Variants in RCAN2 observed in about 807,000 individuals in gnomAD.
The protein encoded by RCAN2 is calcipressin-2.
A neutral mutation model predicts 23.6 loss-of-function variants in RCAN2; 9 were observed. The observed-to-expected ratio is 0.38, with a 90% CI of 0.23 to 0.67. RCAN2 has a LOEUF of 0.67. Ranked by LOEUF, RCAN2 falls within the 30% of genes least tolerant of loss-of-function variation. RCAN2 has a pLI of 0.51. For missense variants in RCAN2, 273 were observed against 302.3 expected (o/e 0.90, Z 0.72); for synonymous variants, 109 against 115.7 (o/e 0.94, Z 0.37).
intron 2 of RCAN2, among the ~76,000 whole-genome samples, chr6:46,398,370 C>T (rs1446379665): frequency 6.6e-6 from 1 of 152,120 alleles, no homozygotes; most frequent in Non-Finnish European, 1.5e-5. Context: ...GTGTTTCTTC[C>T]AAACTCTGGT....
At chr6:46,455,653 G>A (rs1050507722) in intron 2 of RCAN2, among the ~76,000 whole-genome samples, 3 of 151,832 alleles carry the variant, frequency 2.0e-5, no homozygotes, top group Admixed American at 6.6e-5. Flanking sequence ...TCAGGAGATC[G>A]AGACCATCCT....
chr6:46,464,063 A>G (rs914543850), intron 1 of RCAN2, among the ~76,000 whole-genome samples: 1 of 152,224 alleles, frequency 6.6e-6, no homozygotes, highest in African/African-American at 2.4e-5. Flanking sequence ...TTGATTGAAA[A>G]ACAAGTAAAT....
At chr6:46,269,368 G>C (rs1767447120) in intron 2 of RCAN2, among the ~76,000 whole-genome samples, 1 of 152,126 alleles carries the variant, frequency 6.6e-6, no homozygotes, top group South Asian at 2.1e-4. Flanking sequence ...CGCTTATTTT[G>C]TTATATCTCT....
chr6:46,395,685 A>G (rs1766068380), intron 2 of RCAN2, among the ~76,000 whole-genome samples: 1 of 152,258 alleles, frequency 6.6e-6, no homozygotes, highest in African/African-American at 2.4e-5. Flanking sequence ...CGTTAAGGCT[A>G]ACAGGGTTGG....
intron 2 of RCAN2, among the ~76,000 whole-genome samples, chr6:46,321,258 C>A (rs1325752268): frequency 6.6e-6 from 1 of 152,206 alleles, no homozygotes; most frequent in African/African-American, 2.4e-5. Flanking sequence ...GCCCTCATCA[C>A]TAGCTGAAAT....
chr6:46,397,266 G>C (rs563989027), intron 2 of RCAN2, among the ~76,000 whole-genome samples: 4 of 151,970 alleles, frequency 2.6e-5, no homozygotes, highest in Admixed American at 2.0e-4. Flanking sequence ...AACTACAAAG[G>C]GGGGTACCAT....
intron 2 of RCAN2, among the ~76,000 whole-genome samples, chr6:46,383,973 G>C (rs1022731048): frequency 2.0e-5 from 3 of 152,022 alleles, no homozygotes; most frequent in African/African-American, 7.3e-5. Flanking sequence ...CCGCCTCTCT[G>C]GACAGTGGAT....
intron 2 of RCAN2, among the ~76,000 whole-genome samples, chr6:46,321,717 A>C (rs929942672): frequency 6.6e-6 from 1 of 152,198 alleles, no homozygotes; most frequent in African/African-American, 2.4e-5. Context: ...AAGGCCCCCC[A>C]CAGTGGCCAG....
chr6:46,437,672 A>G (rs954374024), intron 2 of RCAN2, among the ~76,000 whole-genome samples: 9 of 152,208 alleles, frequency 5.9e-5, no homozygotes, highest in African/African-American at 2.2e-4. Context: ...TTACAAGTAA[A>G]ATTCTAAAAA....
chr6:46,316,691 T>G (rs1283634072), intron 2 of RCAN2, among the ~76,000 whole-genome samples: 1 of 152,216 alleles, frequency 6.6e-6, no homozygotes, highest in Non-Finnish European at 1.5e-5. Flanking sequence ...ATAAAAGTGC[T>G]TTCTATAGTG....
chr6:46,335,628 C>T (rs1764117708), intron 2 of RCAN2, among the ~76,000 whole-genome samples: 1 of 152,128 alleles, frequency 6.6e-6, no homozygotes, highest in African/African-American at 2.4e-5. Context: ...CTTGAGGTCC[C>T]AACAGGAGTC....
intron 2 of RCAN2, among the ~76,000 whole-genome samples, chr6:46,282,284 A>G (rs1377059393): frequency 5.3e-5 from 8 of 151,818 alleles, no homozygotes; most frequent in East Asian, 1.9e-4. Flanking sequence ...GGTGGCTCAC[A>G]CCTGTAATCC....
intron 2 of RCAN2, among the ~76,000 whole-genome samples, chr6:46,357,578 G>T (rs1436232939): frequency 6.6e-6 from 1 of 152,164 alleles, no homozygotes; most frequent in Non-Finnish European, 1.5e-5. Context: ...TTGCATGTCA[G>T]GCACTGAGTG....
chr6:46,462,734 C>T (rs920847121), intron 1 of RCAN2, among the ~76,000 whole-genome samples: 4 of 152,180 alleles, frequency 2.6e-5, no homozygotes, highest in African/African-American at 9.7e-5. Flanking sequence ...AATGTTTATA[C>T]ATATGATTAA....
chr6:46,235,868 C>T (rs1301833035), intron 4 of RCAN2, among the ~76,000 whole-genome samples: 1 of 152,208 alleles, frequency 6.6e-6, no homozygotes, highest in Non-Finnish European at 1.5e-5. Flanking sequence ...CCAGAATAAG[C>T]CACCTAAGAC....
At chr6:46,430,514 T>C (rs1299049361) in intron 2 of RCAN2, among the ~76,000 whole-genome samples, 1 of 152,080 alleles carries the variant, frequency 6.6e-6, no homozygotes, top group Non-Finnish European at 1.5e-5. Context: ...AATTAAAGGT[T>C]TGGATGAGAT....
At chr6:46,445,291 C>T (rs1767674414) in intron 2 of RCAN2, among the ~76,000 whole-genome samples, 1 of 152,150 alleles carries the variant, frequency 6.6e-6, no homozygotes, top group Non-Finnish European at 1.5e-5. Context: ...ATCCAGGCTC[C>T]AGGCCTAACC....
intron 2 of RCAN2, among the ~76,000 whole-genome samples, chr6:46,381,372 G>C (rs1346504525): frequency 1.3e-5 from 2 of 152,134 alleles, no homozygotes; most frequent in Admixed American, 1.3e-4. Flanking sequence ...CTGTGGCTCG[G>C]TTCTCTTATC....
chr6:46,255,005 C>T (rs1766857215), intron 2 of RCAN2, among the ~76,000 whole-genome samples: 1 of 152,166 alleles, frequency 6.6e-6, no homozygotes, highest in Admixed American at 6.5e-5. Context: ...ACTGCTGACA[C>T]CTTGGCTTTG....
Sources: gnomAD v4.1 joint callset for allele counts (sites outside exome capture counted in the v4.1 genomes callset) on GRCh38, gnomAD v4.1.1 for gene constraint, MANE v1.5 for transcripts, NCBI Gene and HGNC (gene_info 2026-07-23, HGNC 2026-07-21) for gene names.